Variants in AOAH observed in about 807,000 individuals in gnomAD.
AOAH encodes acyloxyacyl hydrolase (neutrophil).
In AOAH, 64 loss-of-function variants were observed where a neutral mutation model predicts 92.2. That is an observed-to-expected ratio of 0.69 (90% CI 0.57 to 0.86). The LOEUF is 0.86. AOAH is among the 40% of genes least tolerant of loss of function. The pLI is 0.00. For missense variants in AOAH, 656 were observed against 694.6 expected (o/e 0.94, Z 0.62); for synonymous variants, 263 against 254.5 (o/e 1.03, Z -0.32).
intron 20 of AOAH, among the ~76,000 whole-genome samples, chr7:36,521,126 T>C (rs1036020892): frequency 1.3e-5 from 2 of 152,118 alleles, no homozygotes; most frequent in East Asian, 3.9e-4. Context: ...AGCCCTCCTG[T>C]GGCCTAGGTC....
chr7:36,694,151 C>T (rs959859668), intron 1 of AOAH, among the ~76,000 whole-genome samples: 4 of 151,916 alleles, frequency 2.6e-5, no homozygotes, highest in African/African-American at 9.7e-5. Flanking sequence ...GGGGAGTATG[C>T]AAAAAAATTT....
intron 13 of AOAH, among the ~76,000 whole-genome samples, chr7:36,555,852 T>C (rs1447487466): frequency 1.3e-5 from 2 of 152,242 alleles, no homozygotes; most frequent in African/African-American, 4.8e-5. Context: ...CGTTTTTTAT[T>C]GCGTCTATTT....
chr7:36,550,833 C>T (rs1258798376), intron 13 of AOAH, among the ~76,000 whole-genome samples: 3 of 152,084 alleles, frequency 2.0e-5, no homozygotes, highest in Non-Finnish European at 2.9e-5. Flanking sequence ...ACCGGAGACC[C>T]AGGTATGTTC....
intron 1 of AOAH, among the ~76,000 whole-genome samples, chr7:36,707,317 A>G (rs1798483541): frequency 6.6e-6 from 1 of 152,126 alleles, no homozygotes. Flanking sequence ...ACATTTATCA[A>G]TTAAGGTTGC....
intron 1 of AOAH, among the ~76,000 whole-genome samples, chr7:36,692,978 T>TA (rs111912702): frequency 0.56 from 85,100 of 151,688 alleles, 24,269 homozygotes; most frequent in East Asian, 0.83. Flanking sequence ...TTCCTACTCT[T>TA]AAAAAAGTGT....
rs1792387242 is a variant in AOAH, at chr7:36,622,936, C to T, written c.582+254G>A. ...TGGTGCATGCCTGTAATCCCAGCTA[C>T]TTGGGAGGCACGAGAAGTACTTGAA... On this transcript the variant is annotated intron_variant, in intron 7 of 20. Transcript: ENST00000617537. Among the ~76,000 whole-genome samples, 8 of 152,062 alleles carry T rather than the reference C, an allele frequency of 5.3e-5. No individual in the cohort carries two copies. In the South Asian group the frequency reaches 1.7e-3, roughly 32 times the overall value.
chr7:36,699,533 T>C (rs1797906183), intron 1 of AOAH, among the ~76,000 whole-genome samples: 1 of 152,124 alleles, frequency 6.6e-6, no homozygotes, highest in Non-Finnish European at 1.5e-5. Flanking sequence ...TCTCTAATGA[T>C]TAGTGATGTT....
In AOAH at chr7:36,621,724, C is replaced by CACTG; in HGVS notation, c.635_638dup (p.Tyr214SerfsTer5). The CACTG allele has an allele frequency of 6.2e-7, 1 of 1,614,118 alleles. No homozygotes were observed. Among genetic ancestry groups the CACTG allele is most frequent in the South Asian group, 1.1e-5 (1 of 91,088 alleles). On this transcript the variant is annotated frameshift_variant, in exon 8 of 21. Coordinates refer to ENST00000617537, the MANE Select transcript of AOAH (RefSeq NM_001637.4). LOFTEE classifies it high-confidence loss of function. The stretch of plus-strand genomic sequence containing the variant: ...GAAATAGTTACCTTCTACCTGGGTA[C>CACTG]ACTGACTCGTCGCTGTCATTACAGT...
chr7:36,694,546 T>C (rs1797592118), intron 1 of AOAH, among the ~76,000 whole-genome samples: 1 of 152,158 alleles, frequency 6.6e-6, no homozygotes, highest in South Asian at 2.1e-4. Context: ...ATTGTCCTTT[T>C]CAATACACTT....
rs185086139 is a variant in AOAH at position 36,672,635 on chromosome 7, G to A, written c.290+1308C>T. Among the ~76,000 whole-genome samples, 19 of 152,272 alleles carry A rather than the reference G, an allele frequency of 1.2e-4. No homozygotes were observed. The East Asian group carries it at 3.3e-3, about 26-fold the overall frequency. On this transcript the variant is annotated intron_variant, in intron 3 of 20. Transcript: ENST00000617537. ...GAGCCTGTCAGAAGGTGGGGGAAAG[G>A]GGAGGGAGAGCATTAGGACAAATAC...
chr7:36,532,153 A>G lies in AOAH; in HGVS notation c.1419T>C (p.Thr473=). The change falls in exon 18 of 21, where the codon ACT becomes ACC. Residue 473 remains threonine, a synonymous_variant. Coordinates refer to ENST00000617537, the MANE Select transcript of AOAH (RefSeq NM_001637.4). ...AGGCCTGTGACAGTCATACCTCTGA[A>G]GTGAGAGTCCGCAACGTCTTGTTGG... ...MSSNKTLRTL[T]SERAEQLSNT... is the part of the protein sequence containing the mutation. The G allele has an allele frequency of 6.2e-7, 1 of 1,614,200 alleles. No homozygotes were observed. The highest frequency in any genetic ancestry group is 1.1e-5 in the South Asian group (1 of 91,088).
At chr7:36,636,448 G>A (rs1433013651) in intron 5 of AOAH, among the ~76,000 whole-genome samples, 1 of 152,138 alleles carries the variant, frequency 6.6e-6, no homozygotes, top group East Asian at 1.9e-4. Context: ...CGTTTTTAGG[G>A]GTGTGTGGAG....
At chr7:36,524,377 T>A (rs770371476) in intron 19 of AOAH, among the ~76,000 whole-genome samples, 14 of 151,756 alleles carry the variant, frequency 9.2e-5, no homozygotes, top group Non-Finnish European at 1.9e-4. Flanking sequence ...CCAGGTGCGG[T>A]GGCTCACACC....
At chr7:36,637,102 T>A (rs2116305842) in intron 5 of AOAH, among the ~76,000 whole-genome samples, 1 of 152,310 alleles carries the variant, frequency 6.6e-6, no homozygotes, top group African/African-American at 2.4e-5. Context: ...AACCAGGGCC[T>A]AAGTCAAATA....
intron 1 of AOAH, among the ~76,000 whole-genome samples, chr7:36,702,091 A>G (rs1798067191): frequency 6.6e-6 from 1 of 152,108 alleles, no homozygotes; most frequent in Non-Finnish European, 1.5e-5. Flanking sequence ...TATTTTTGTC[A>G]TACATTTTAT....
chr7:36,621,070 T>C (rs146299562), intron 8 of AOAH, among the ~76,000 whole-genome samples: 2 of 152,370 alleles, frequency 1.3e-5, no homozygotes, highest in African/African-American at 4.8e-5. Flanking sequence ...GACCAAATCC[T>C]GTCTTTTTCA....
At chr7:36,638,214 T>C (rs959241428) in intron 4 of AOAH, among the ~76,000 whole-genome samples, 2 of 152,100 alleles carry the variant, frequency 1.3e-5, no homozygotes, top group African/African-American at 4.8e-5. Flanking sequence ...AGCTAAGAGA[T>C]CTCATAGGGT....
intron 3 of AOAH, among the ~76,000 whole-genome samples, chr7:36,673,339 A>C (rs995321239): frequency 7.9e-5 from 12 of 152,270 alleles, no homozygotes; most frequent in African/African-American, 2.2e-4. Context: ...AGAGTTTGAG[A>C]CTATCCTGGC....
intron 13 of AOAH, among the ~76,000 whole-genome samples, chr7:36,568,757 C>T (rs1471017329): frequency 6.6e-6 from 1 of 152,220 alleles, no homozygotes; most frequent in East Asian, 1.9e-4. Context: ...TCTCTTTCTT[C>T]TCTCCTTAGC....
Sources: gnomAD v4.1 joint callset for allele counts (sites outside exome capture counted in the v4.1 genomes callset) on GRCh38, gnomAD v4.1.1 for gene constraint, MANE v1.5 for transcripts, NCBI Gene and HGNC (gene_info 2026-07-23, HGNC 2026-07-21) for gene names.